PAN3: variants seen among roughly 807,000 people sequenced by gnomAD.
PAN3 encodes the protein PAN2-PAN3 deadenylation complex subunit PAN3.
Under a neutral mutation model 96.2 loss-of-function variants are expected in PAN3, and 19 were observed. That is an observed-to-expected ratio of 0.20 (90% CI 0.14 to 0.29). PAN3 has a LOEUF of 0.29. Ranked by LOEUF, PAN3 falls within the 10% of genes least tolerant of loss-of-function variation. The pLI is 1.00. For missense variants in PAN3, 882 were observed against 1,108.1 expected, an observed-to-expected ratio of 0.80 and a Z score of 2.90; for synonymous variants, 433 against 406.6, an observed-to-expected ratio of 1.06 and a Z score of -0.78.
intron 6 of PAN3, among the ~76,000 whole-genome samples, chr13:28,239,153 A>ACCC (rs1174244987): frequency 6.1e-5 from 1 of 16,490 alleles, no homozygotes; most frequent in Non-Finnish European, 1.1e-4. Context: ...CCCACCCCCC[A>ACCC]CCCCCGCCAA....
In PAN3 at chr13:28,281,295, C is replaced by A; in HGVS notation, c.2320-20C>A. On this transcript the variant is annotated intron_variant, in intron 16 of 18. Coordinates refer to ENST00000380958, the MANE Select transcript of PAN3 (RefSeq NM_175854.8). ...TTATCTGGAACATTAACATTTTTCT[C>A]TTTTTAAAATGTTTTATAGGAGGTT... 6.3e-7 allele frequency: 1 copy of A among 1,596,280 alleles called. No individual in the cohort carries two copies. The highest frequency in any genetic ancestry group is 2.2e-5 in the East Asian group (1 of 44,722).
intron 18 of PAN3, among the ~76,000 whole-genome samples, chr13:28,290,504 A>G (rs1869618071): frequency 1.3e-5 from 2 of 152,082 alleles, no homozygotes; most frequent in Non-Finnish European, 2.9e-5. Context: ...CAATGTGGAG[A>G]AACCCCATCT....
chr13:28,167,091 T>A (rs1263363995), intron 1 of PAN3, among the ~76,000 whole-genome samples: 4 of 148,434 alleles, frequency 2.7e-5, no homozygotes, highest in African/African-American at 9.8e-5. Flanking sequence ...AATTTTTTTT[T>A]TTTTTTTTTT....
intron 6 of PAN3, among the ~76,000 whole-genome samples, chr13:28,245,227 G>C (rs1189476864): frequency 6.6e-6 from 1 of 152,150 alleles, no homozygotes; most frequent in Non-Finnish European, 1.5e-5. Context: ...GGGTAGAATT[G>C]ACATCTTTAT....
At chr13:28,251,952 A>G (rs1884766985) in intron 6 of PAN3, among the ~76,000 whole-genome samples, 1 of 150,334 alleles carries the variant, frequency 6.7e-6, no homozygotes, top group Admixed American at 6.6e-5. Context: ...CAATGGTGTG[A>G]TCTCGGCTCA....
intron 6 of PAN3, among the ~76,000 whole-genome samples, chr13:28,222,938 A>G (rs191712491): frequency 3.0e-4 from 46 of 152,314 alleles, no homozygotes; most frequent in African/African-American, 1.1e-3. Context: ...TTCATTACGT[A>G]TGGGAAAGTA....
intron 14 of PAN3, 52 bp downstream of exon 14, chr13:28,272,123 A>T (rs942987046): frequency 7.7e-7 from 1 of 1,292,408 alleles, no homozygotes; most frequent in African/African-American, 1.5e-5. Flanking sequence ...TTAAAGACAA[A>T]TTTTGTTCAT....
intron 6 of PAN3, among the ~76,000 whole-genome samples, chr13:28,227,239 C>T (rs973285028): frequency 5.5e-4 from 83 of 152,232 alleles, no homozygotes; most frequent in African/African-American, 2.0e-3. Flanking sequence ...GGCTTGGAGA[C>T]CTGTCAGGTA....
intron 6 of PAN3, among the ~76,000 whole-genome samples, chr13:28,251,870 G>GGATT (rs1555288824): frequency 9.6e-6 from 1 of 104,116 alleles, no homozygotes; most frequent in Admixed American, 1.2e-4. Flanking sequence ...CTTGCTCTTG[G>GGATT]GGTTGGTTTG....
chr13:28,216,076 T>C (rs1225208461), intron 5 of PAN3, among the ~76,000 whole-genome samples: 1 of 142,380 alleles, frequency 7.0e-6, no homozygotes, highest in Non-Finnish European at 1.5e-5. Flanking sequence ...TTTTTGTTTT[T>C]TTTCTTTTTT....
intron 6 of PAN3, among the ~76,000 whole-genome samples, chr13:28,229,184 A>G (rs1161032700): frequency 6.6e-6 from 1 of 152,176 alleles, no homozygotes; most frequent in Non-Finnish European, 1.5e-5. Context: ...AAAGTTTTTA[A>G]CAGTTGATCC....
chr13:28,158,331 C>CA (rs928784106), intron 1 of PAN3, among the ~76,000 whole-genome samples: 5 of 152,068 alleles, frequency 3.3e-5, no homozygotes, highest in African/African-American at 1.2e-4. Context: ...GCGACAACAA[C>CA]AAAAAATTGA....
At chr13:28,259,145 T>G (rs1454391319) in intron 7 of PAN3, among the ~76,000 whole-genome samples, 2 of 151,816 alleles carry the variant, frequency 1.3e-5, no homozygotes, top group Non-Finnish European at 2.9e-5. Context: ...TTTTTTTTTT[T>G]GAGACAGAGT....
chr13:28,240,155 A>G (rs912492358), intron 6 of PAN3: 5 of 152,122 alleles, frequency 3.3e-5, no homozygotes, highest in African/African-American at 1.2e-4. Flanking sequence ...TTTTTAGATA[A>G]CTTTTATTAA....
intron 1 of PAN3, among the ~76,000 whole-genome samples, chr13:28,139,421 A>G (rs1470033408): frequency 2.7e-5 from 4 of 149,186 alleles, no homozygotes; most frequent in African/African-American, 1.0e-4. Context: ...GGGGGTGTGG[A>G]AAGGGGCTGG....
chr13:28,288,605 T>C (rs1869281004), intron 18 of PAN3, among the ~76,000 whole-genome samples: 1 of 152,058 alleles, frequency 6.6e-6, no homozygotes, highest in Non-Finnish European at 1.5e-5. Flanking sequence ...ATGAATAATT[T>C]TAGAATGTTT....
At chr13:28,148,311 C>T (rs1193202534) in intron 1 of PAN3, among the ~76,000 whole-genome samples, 2 of 152,020 alleles carry the variant, frequency 1.3e-5, no homozygotes, top group Non-Finnish European at 2.9e-5. Context: ...GAGATGGGGT[C>T]TTGCTCATTT....
intron 6 of PAN3, among the ~76,000 whole-genome samples, chr13:28,227,570 G>A (rs566551191): frequency 1.3e-5 from 2 of 152,084 alleles, no homozygotes; most frequent in African/African-American, 4.8e-5. Context: ...TCAGCATACC[G>A]CTTGGTTTCT....
intron 4 of PAN3, among the ~76,000 whole-genome samples, chr13:28,183,454 A>T (rs866567690): frequency 6.6e-6 from 1 of 152,168 alleles, no homozygotes; most frequent in African/African-American, 2.4e-5. Context: ...GCTTGTCAAG[A>T]TGGAGGAGGG....
Sources: gnomAD v4.1 joint callset for allele counts (sites outside exome capture counted in the v4.1 genomes callset) on GRCh38, gnomAD v4.1.1 for gene constraint, MANE v1.5 for transcripts, NCBI Gene and HGNC (gene_info 2026-07-23, HGNC 2026-07-21) for gene names.